Variants in CAMKMT observed in about 807,000 individuals in gnomAD.
CAMKMT encodes the protein CaM KMT.
CAMKMT carries 53 observed loss-of-function variants against 48.0 expected under a neutral mutation model. The observed-to-expected ratio is 1.10, with a 90% CI of 0.89 to 1.39. The LOEUF (loss-of-function observed/expected upper bound fraction) is 1.39. CAMKMT is among the 40% of genes most tolerant of loss of function. The pLI, the probability that CAMKMT is intolerant of heterozygous loss-of-function variation, is 0.00. For missense variants in CAMKMT, 428 were observed against 402.7 expected (o/e 1.06, Z -0.54); for synonymous variants, 165 against 152.3 (o/e 1.08, Z -0.61).
chr2:44,727,216 G>A (rs1453466817), intron 7 of CAMKMT, among the ~76,000 whole-genome samples: 1 of 152,176 alleles, frequency 6.6e-6, no homozygotes, highest in African/African-American at 2.4e-5. Context: ...GGGCAGTATG[G>A]CCATTTTTAC....
intron 3 of CAMKMT, among the ~76,000 whole-genome samples, chr2:44,686,445 G>T (rs1192914268): frequency 6.6e-6 from 1 of 151,308 alleles, no homozygotes. Flanking sequence ...ACAAACCCTC[G>T]TTTAGTTCAT....
At chr2:44,630,580 G>C (rs1488857765) in intron 3 of CAMKMT, among the ~76,000 whole-genome samples, 16 of 151,516 alleles carry the variant, frequency 1.1e-4, no homozygotes, top group Non-Finnish European at 2.4e-4. Context: ...TCAAAAAGTG[G>C]GCGAAGGACA....
intron 3 of CAMKMT, among the ~76,000 whole-genome samples, chr2:44,494,284 A>G (rs1055159934): frequency 1.1e-4 from 17 of 152,106 alleles, no homozygotes; most frequent in Non-Finnish European, 8.8e-5. Context: ...GGAAATGTCA[A>G]CTCTTGTTGA....
chr2:44,745,267 C>T (rs550602951), intron 8 of CAMKMT, among the ~76,000 whole-genome samples: 107 of 152,222 alleles, frequency 7.0e-4, no homozygotes, highest in African/African-American at 2.5e-3. Context: ...TTGTCCCTTA[C>T]GCAAATATCA....
chr2:44,671,411 A>C (rs1212255372), intron 3 of CAMKMT, among the ~76,000 whole-genome samples: 1 of 152,190 alleles, frequency 6.6e-6, no homozygotes, highest in African/African-American at 2.4e-5. Flanking sequence ...ATTAAATTAC[A>C]ATATTTAAGC....
In CAMKMT at chr2:44,375,797, C is replaced by G. The variant is rs573480964; in HGVS notation, c.311+2909C>G. Among the ~76,000 whole-genome samples, 7 of 148,396 alleles carry G rather than the reference C, an allele frequency of 4.7e-5. No individual in the cohort carries two copies. In the South Asian group the frequency reaches 1.5e-3, roughly 31 times the overall value. The stretch of plus-strand genomic sequence containing the variant: ...GCTCCAGGTTCTTGGTTTTTTTTTT[C>G]TTTTTAGAGAAGGAGTCTCAATCTG... On this transcript the variant is annotated intron_variant, in intron 2 of 10. Transcript: ENST00000378494.
chr2:44,388,640 G>A (rs998921744), intron 2 of CAMKMT, among the ~76,000 whole-genome samples: 3 of 152,120 alleles, frequency 2.0e-5, no homozygotes, highest in Non-Finnish European at 2.9e-5. Context: ...GGTAGGCTCC[G>A]TCAGAGGGAA....
At chr2:44,630,898 T>C (rs1354256942) in intron 3 of CAMKMT, among the ~76,000 whole-genome samples, 1 of 151,912 alleles carries the variant, frequency 6.6e-6, no homozygotes, top group Non-Finnish European at 1.5e-5. Context: ...CATTACTGGG[T>C]ATATACCCAA....
At chr2:44,676,852 A>G (rs568356025) in intron 3 of CAMKMT, 1 of 152,296 alleles carries the variant, frequency 6.6e-6, no homozygotes, top group Non-Finnish European at 1.5e-5. Flanking sequence ...TGCTAAGTAA[A>G]TGGTTATTTT....
chr2:44,605,305 G>C (rs545156563), intron 3 of CAMKMT, among the ~76,000 whole-genome samples: 1 of 152,146 alleles, frequency 6.6e-6, no homozygotes, highest in East Asian at 1.9e-4. Context: ...CTGTGCTGCT[G>C]TTGCTCAAAG....
chr2:44,595,576 T>C (rs1351014007), intron 3 of CAMKMT, among the ~76,000 whole-genome samples: 1 of 152,206 alleles, frequency 6.6e-6, no homozygotes, highest in Non-Finnish European at 1.5e-5. Flanking sequence ...CTGCCCAAAG[T>C]AATTTATAGA....
At position 44,424,449 on chromosome 2, in the gene CAMKMT, A is replaced by G. The variant is rs148075301; in HGVS notation, c.376+34144A>G. The stretch of plus-strand genomic sequence containing the variant: ...GGCTATGTGACTGAGGGCTACATGC[A>G]TCAGTGATGGGGGCTAGCAGAACAG... On this transcript the variant is annotated intron_variant, in intron 3 of 10. Transcript: ENST00000378494. Among the ~76,000 whole-genome samples the G allele has an allele frequency of 3.1e-3, 475 of 152,298 alleles. 2 individuals carry two copies. Among genetic ancestry groups the G allele is most frequent in the African/African-American group, 0.011 (442 of 41,580 alleles).
At chr2:44,411,847 G>A (rs1424074958) in intron 3 of CAMKMT, among the ~76,000 whole-genome samples, 2 of 151,480 alleles carry the variant, frequency 1.3e-5, no homozygotes, top group Non-Finnish European at 2.9e-5. Context: ...GCATCCTGGG[G>A]GCTTCAATTT....
chr2:44,612,059 T>C (rs1671632225), intron 3 of CAMKMT, among the ~76,000 whole-genome samples: 1 of 152,174 alleles, frequency 6.6e-6, no homozygotes. Flanking sequence ...TCTGGGTAAC[T>C]TTCTAATAAA....
intron 3 of CAMKMT, among the ~76,000 whole-genome samples, chr2:44,596,000 G>A (rs988625095): frequency 4.5e-4 from 68 of 151,936 alleles, no homozygotes; most frequent in Non-Finnish European, 5.4e-4. Context: ...GTGGGGGACT[G>A]GGGGAGGAGT....
rs1004017859 is a variant in CAMKMT at position 44,401,552 on chromosome 2, CA to C, written c.376+11258del. Among the ~76,000 whole-genome samples the C allele has an allele frequency of 1.8e-3, 251 of 138,880 alleles. 1 individual carries two copies. The highest frequency in any genetic ancestry group is 4.8e-3 in the African/African-American group (182 of 37,746). 91.1% of individuals were successfully genotyped at this position (138,880 alleles called of 152,430 possible). On this transcript the variant is annotated intron_variant, in intron 3 of 10. Transcript: ENST00000378494. Reference sequence around the variant, plus strand: ...AGACTGGGTGACAGAGACTCTGTCTCAAAAAAAAAAATAAAATAAAATTTAA... The same window carrying C: ...AGACTGGGTGACAGAGACTCTGTCTCAAAAAAAAAATAAAATAAAATTTAA...
At chr2:44,626,456 C>T (rs1672488222) in intron 3 of CAMKMT, among the ~76,000 whole-genome samples, 2 of 152,026 alleles carry the variant, frequency 1.3e-5, no homozygotes, top group African/African-American at 4.8e-5. Context: ...TTATGTATAA[C>T]AGTGATTTAG....
chr2:44,420,160 C>A (rs981489323), intron 3 of CAMKMT, among the ~76,000 whole-genome samples: 1 of 152,078 alleles, frequency 6.6e-6, no homozygotes, highest in Non-Finnish European at 1.5e-5. Flanking sequence ...AAATCTCTGG[C>A]TTCTATTTGA....
intron 3 of CAMKMT, among the ~76,000 whole-genome samples, chr2:44,519,458 CATGCAATAAGTGAAA>C (rs1670991401): frequency 6.6e-6 from 1 of 152,068 alleles, no homozygotes; most frequent in African/African-American, 2.4e-5. Flanking sequence ...ACTGAAAGGC[CATGCAATAAGTGAAA>C]ATATTTTATG....
Sources: gnomAD v4.1 joint callset for allele counts (sites outside exome capture counted in the v4.1 genomes callset) on GRCh38, gnomAD v4.1.1 for gene constraint, MANE v1.5 for transcripts, NCBI Gene and HGNC (gene_info 2026-07-23, HGNC 2026-07-21) for gene names.